The following PEX6 variants were observed in gnomAD, a reference collection of about 807,000 sequenced individuals.
PEX6 encodes the protein peroxisomal biogenesis factor 6, also known as peroxisome biogenesis factor 6.
A neutral mutation model predicts 85.6 loss-of-function variants in PEX6; 55 were observed. The observed-to-expected ratio is 0.64, with a 90% CI of 0.52 to 0.80. The LOEUF (loss-of-function observed/expected upper bound fraction) is 0.80, where lower values mean the gene tolerates loss of function less well. Ranked by LOEUF, PEX6 falls within the 30% of genes least tolerant of loss-of-function variation. The pLI is 0.00. For synonymous variants in PEX6, 519 were observed against 549.1 expected, an observed-to-expected ratio of 0.95 and a Z score of 0.77; for missense variants, 1,099 against 1,260.3, an observed-to-expected ratio of 0.87 and a Z score of 1.94.
rs185518921 is a variant in PEX6 at position 42,973,882 on chromosome 6, A to C, written c.1130+121T>G. The stretch of plus-strand genomic sequence containing the variant: ...CTGTTACACACACACACGCACACAC[A>C]AAATACATGACAACGAAATCCTCTT... On this transcript the variant is annotated intron_variant, in intron 3 of 16. Coordinates refer to ENST00000304611, the MANE Select transcript of PEX6 (RefSeq NM_000287.4). 4.0e-6 allele frequency: 3 copies of C among 747,956 alleles called. No individual in the cohort carries two copies. The African/African-American group carries it at 5.2e-5, about 13-fold the overall frequency. The allele number at this position is 747,956 out of a possible 1,614,324, so 46.3% of individuals were successfully genotyped here. A position where few individuals can be genotyped will look rare whatever the true frequency, so the allele number is the denominator to read the frequency against.
chr6:42,969,769 G>C lies in PEX6; in HGVS notation c.1266C>G (p.Leu422=), dbSNP rs1260688458. 6.2e-7 allele frequency: 1 copy of C among 1,613,950 alleles called. No homozygotes were observed. The highest frequency in any genetic ancestry group is 2.2e-5 in the East Asian group (1 of 44,880). ...TCCAGAGAGTGGATTCCTCTGAAGG[G>C]AGCCATGGAACAGGGCTCAGGGTAG... ...VGSTLSPVPW[L]PSEESTLWSS... is the part of the protein sequence containing the mutation. Residue 422 remains leucine, a synonymous_variant, in exon 5 of 17, where the codon CTC becomes CTG. Coordinates refer to ENST00000304611, the MANE Select transcript of PEX6 (RefSeq NM_000287.4).
Position 42,969,657 on chromosome 6 carries a change from A to G in PEX6, c.1367+11T>C. 2 of 1,612,180 alleles carry G rather than the reference A, an allele frequency of 1.2e-6. No homozygotes were observed. The highest frequency in any genetic ancestry group is 1.7e-6 in the Non-Finnish European group (2 of 1,179,858). On this transcript the variant is annotated intron_variant, in intron 5 of 16. Transcript: ENST00000304611. ...GCTTTTCTCACACCCTGGGGTGATG[A>G]CCTCACTCACCCTGGCTGGAGGCGA...
chr6:42,977,583 A>G (rs1770350204), intron 1 of PEX6, among the ~76,000 whole-genome samples: 2 of 151,900 alleles, frequency 1.3e-5, no homozygotes, highest in Admixed American at 6.6e-5. Flanking sequence ...GTTCGAGACC[A>G]GCCTGACCAA....
chr6:42,974,919 A>G lies in PEX6; in HGVS notation c.1002T>C (p.Asn334=). The G allele has an allele frequency of 1.2e-6, 2 of 1,614,042 alleles. No homozygotes were observed. The highest frequency in any genetic ancestry group is 1.3e-5 in the African/African-American group (1 of 75,022). Residue 334 remains asparagine, a synonymous_variant, in exon 2 of 17, where the codon AAT becomes AAC. Transcript: ENST00000304611. ...EIVSSPHYST[N]GNYDGVLYRH... Reference sequence around the variant, plus strand: ...GGTAAAGAACACCGTCATAATTTCCATTAGTGCTGTAGTGGGGAGAAGACA... The same window carrying G: ...GGTAAAGAACACCGTCATAATTTCCGTTAGTGCTGTAGTGGGGAGAAGACA...
intron 6 of PEX6, among the ~76,000 whole-genome samples, 183 bp downstream of exon 6, chr6:42,968,691 A>G (rs1769938530): frequency 6.6e-6 from 1 of 151,684 alleles, no homozygotes; most frequent in South Asian, 2.1e-4. Flanking sequence ...ATATCTTGCA[A>G]CTCCCTCCTC....
chr6:42,969,747 A>G lies in PEX6; in HGVS notation c.1288T>C (p.Trp430Arg). Residue 430 changes from tryptophan (W) to arginine (R), a missense_variant, in exon 5 of 17, where the codon TGG becomes CGG. Physicochemically the swap from Trp to Arg is moderately radical, Grantham distance 101 (BLOSUM62 -3). This residue lies in a region of PEX6 where 579 missense variants were observed against 611.6 expected (regional missense o/e 0.95). Transcript: ENST00000304611. ...AGGCCTGGAGGAGACAAACTGCTCC[A>G]GAGAGTGGATTCCTCTGAAGGGAGC... is the stretch of plus-strand genomic sequence containing the variant. ...PWLPSEESTL[W>R]SSLSPPGLEA... 6.2e-7 allele frequency: 1 copy of G among 1,613,940 alleles called. No homozygotes were observed. Among genetic ancestry groups the G allele is most frequent in the Non-Finnish European group, 8.5e-7 (1 of 1,179,996 alleles).
chr6:42,973,958 C>T (rs1256816044), intron 3 of PEX6, 45 bp downstream of exon 3: 1 of 1,324,256 alleles, frequency 7.6e-7, no homozygotes, highest in Non-Finnish European at 1.1e-6. Context: ...AACTCATGCA[C>T]CCAGGTTACA....
intron 8 of PEX6, 89 bp from the exon 9 acceptor site, chr6:42,966,947 G>A: frequency 1.2e-6 from 1 of 835,680 alleles, no homozygotes; most frequent in Non-Finnish European, 2.0e-6. Flanking sequence ...GAGGCCCTCT[G>A]TTGATGCCTT....
Position 42,971,601 on chromosome 6 carries a change from G to A in PEX6, c.1131-1614C>T, listed in dbSNP as rs1275467537. Among the ~76,000 whole-genome samples, 4 of 152,194 alleles carry A rather than the reference G, an allele frequency of 2.6e-5. No homozygotes were observed. Among genetic ancestry groups the A allele is most frequent in the African/African-American group, 7.2e-5 (3 of 41,456 alleles). ...CACCAACAGTGGAATTCCTTTCCAG[G>A]GCTCACAGGAACTTCTGCAGGGCTT... On this transcript the variant is annotated intron_variant, in intron 3 of 16. Coordinates refer to ENST00000304611, the MANE Select transcript of PEX6 (RefSeq NM_000287.4). The surrounding 1 kb of genome is among the most constrained non-coding windows in gnomAD (Gnocchi z 4.4).
rs375288192 is a variant in PEX6 at position 42,967,478 on chromosome 6, C to T, written c.1774G>A (p.Glu592Lys). The change falls in exon 8 of 17, where the codon GAG becomes AAG. Residue 592 changes from glutamate to lysine, a missense_variant. Glu to Lys is a moderately conservative substitution (Grantham distance 56). Coordinates refer to ENST00000304611, the MANE Select transcript of PEX6 (RefSeq NM_000287.4). ...DVQTAFPHEL[E>K]VPALSEGQRL... is the part of the protein sequence containing the mutation. Reference sequence around the variant, plus strand: ...TGCCCCTCTGACAGAGCAGGCACCTCGAGCTCATGAGGAAATGCTGTCTGC... The same window carrying T: ...TGCCCCTCTGACAGAGCAGGCACCTTGAGCTCATGAGGAAATGCTGTCTGC... 452 of 1,611,040 alleles carry T rather than the reference C, an allele frequency of 2.8e-4. No homozygotes were observed. Among genetic ancestry groups the T allele is most frequent in the Admixed American group, 4.5e-4 (27 of 59,546 alleles).
chr6:42,978,741 C>T lies in PEX6; in HGVS notation c.410G>A (p.Arg137Gln), dbSNP rs1254025750. Reference sequence around the variant, plus strand: ...CAACGCCGGCCGCGTCTCCAGCACCCGCGGTCCGGGCACTGGGAGGGTCTC... The same window carrying T: ...CAACGCCGGCCGCGTCTCCAGCACCTGCGGTCCGGGCACTGGGAGGGTCTC... The part of the protein sequence containing the change: ...RGETLPVPGP[R>Q]VLETRPALQG... Residue 137 changes from arginine to glutamine, a missense_variant, in exon 1 of 17, where the codon CGG becomes CAG. Around this residue, in one of 3 missense-constraint regions of PEX6, gnomAD observed 579 missense variants for 611.6 expected, o/e 0.95. Transcript: ENST00000304611. 8.5e-6 allele frequency: 13 copies of T among 1,536,802 alleles called. No homozygotes were observed. In the East Asian group the frequency reaches 2.7e-4, roughly 32 times the overall value.
Position 42,979,112 on chromosome 6 carries a change from C to T in PEX6, c.39G>A (p.Pro13=), listed in dbSNP as rs908372737. ...LAVLRVLEPF[P]TETPPLAVLL... ...GCACTGCCAACGGGGGTGTCTCGGT[C>T]GGAAAGGGCTCCAGGACCCGCAAGA... is the stretch of plus-strand genomic sequence containing the variant. The change falls in exon 1 of 17, where the codon CCG becomes CCA. Residue 13 remains proline, a synonymous_variant. Transcript: ENST00000304611. The T allele has an allele frequency of 5.1e-6, 8 of 1,568,836 alleles. No individual in the cohort carries two copies. The South Asian group carries it at 9.2e-5, about 18-fold the overall frequency.
At chr6:42,975,729 G>T (rs867868531) in intron 1 of PEX6, among the ~76,000 whole-genome samples, 1,867 of 89,360 alleles carry the variant, frequency 0.021, 15 homozygotes, top group African/African-American at 0.056. Context: ...TTTTTTTTTT[G>T]AGACTTAGTC....
In PEX6 at chr6:42,966,868, CA is replaced by C; in HGVS notation, c.1885-11del. 6.2e-7 allele frequency: 1 copy of C among 1,610,780 alleles called. No individual in the cohort carries two copies. The highest frequency in any genetic ancestry group is 8.5e-7 in the Non-Finnish European group (1 of 1,179,494). On this transcript the variant is annotated splice_polypyrimidine_tract_variant and intron_variant, in intron 8 of 16. Transcript: ENST00000304611. ...CCCCTACCACAAAGCCCTAGGGAAC[CA>C]CAGGAAAGGACACATGAGCAGGGCA...
rs114500758 is a variant in PEX6 at position 42,976,330 on chromosome 6, A to G, written c.883-1292T>C. ...CATATATCTAGGTCCTTAATTAAAC[A>G]CTATACTGTATTTGTCCCCCTAAAC... is the stretch of plus-strand genomic sequence containing the variant. On this transcript the variant is annotated intron_variant, in intron 1 of 16. Coordinates refer to ENST00000304611, the MANE Select transcript of PEX6 (RefSeq NM_000287.4). Among the ~76,000 whole-genome samples the G allele has an allele frequency of 6.0e-3, 907 of 152,196 alleles. 6 individuals carry two copies. Among genetic ancestry groups the G allele is most frequent in the African/African-American group, 0.02 (850 of 41,524 alleles).
chr6:42,966,387 C>G lies in PEX6; in HGVS notation c.2155G>C (p.Glu719Gln). 1 of 1,614,110 alleles carries G rather than the reference C, an allele frequency of 6.2e-7. No individual in the cohort carries two copies. The highest frequency in any genetic ancestry group is 1.3e-5 in the African/African-American group (1 of 75,034). ...TGCTCCAGGGGGAGCTGAATGGTCT[C>G]CAGGATCTCCTTCTTCACCTCCTGC... Reference protein sequence around the residue: ...GLQEVKKEILETIQLPLEHPE... With the variant: ...GLQEVKKEILQTIQLPLEHPE... The change falls in exon 11 of 17, where the codon GAG (glutamate) becomes CAG (glutamine). Residue 719 changes from glutamate (E) to glutamine (Q), a missense_variant. This residue lies in a region of PEX6 where 514 missense variants were observed against 627.0 expected (regional missense o/e 0.82). Coordinates refer to ENST00000304611, the MANE Select transcript of PEX6 (RefSeq NM_000287.4).
Position 42,979,029 on chromosome 6 carries a change from C to T in PEX6, c.122G>A (p.Arg41Lys), listed in dbSNP as rs372033738. The part of the protein sequence containing the change: ...AAELGLVLAL[R>K]PAGESPAGPA... ...CCCTGCCGGGCTCTCCCCTGCAGGCCTCAGGGCCAGCACCAGGCCCAGCTC... is the reference window on the plus strand; with the variant it reads ...CCCTGCCGGGCTCTCCCCTGCAGGCTTCAGGGCCAGCACCAGGCCCAGCTC... Residue 41 changes from arginine to lysine, a missense_variant, in exon 1 of 17, where the codon AGG (arginine) becomes AAG (lysine). By Grantham distance (26) the Arg-to-Lys change is conservative (BLOSUM62 2). Coordinates refer to ENST00000304611, the MANE Select transcript of PEX6 (RefSeq NM_000287.4). 11 of 1,531,460 alleles carry T rather than the reference C, an allele frequency of 7.2e-6. No individual in the cohort carries two copies. Among genetic ancestry groups the T allele is most frequent in the Admixed American group, 5.9e-5 (3 of 50,794 alleles). 94.9% of individuals were successfully genotyped at this position (1,531,460 alleles called of 1,614,324 possible).
At chr6:42,974,135 ATGTGTT>A in intron 2 of PEX6, 49 bp from the exon 3 acceptor site, 1 of 1,411,518 alleles carries the variant, frequency 7.1e-7, no homozygotes, top group Non-Finnish European at 1.0e-6. Context: ...AGTAATGAGC[ATGTGTT>A]CATTACCACA....
At position 42,965,685 on chromosome 6, in the gene PEX6, C is replaced by T; in HGVS notation, c.2467G>A (p.Asp823Asn). Residue 823 changes from aspartate (D) to asparagine (N), a missense_variant, in exon 13 of 17, where the codon GAC (aspartate) becomes AAC (asparagine). Asp to Asn is a conservative substitution (Grantham distance 23). Coordinates refer to ENST00000304611, the MANE Select transcript of PEX6 (RefSeq NM_000287.4). This position sits in a 1 kb window ranked among gnomAD's most constrained non-coding sequence, Gnocchi z 5.0. ...GRSGDSGGVM[D>N]RVVSQLLAEL... ...CATTCCCACTCAGACCCCTACCTGT[C>T]CATCACTCCTCCAGAATCTCCACTT... 4 of 1,610,850 alleles carry T rather than the reference C, an allele frequency of 2.5e-6. No homozygotes were observed. Among genetic ancestry groups the T allele is most frequent in the Non-Finnish European group, 3.4e-6 (4 of 1,176,970 alleles).
Sources: gnomAD v4.1 joint callset for allele counts (sites outside exome capture counted in the v4.1 genomes callset) on GRCh38, gnomAD v4.1.1 for gene constraint, gnomAD v4.1.1 regional missense constraint, Gnocchi (gnomAD v3.1) non-coding constraint, MANE v1.5 for transcripts, NCBI Gene and HGNC (gene_info 2026-07-23, HGNC 2026-07-21) for gene names.